The following FANCC variants were observed in gnomAD, a reference collection of about 807,000 sequenced individuals.
FANCC encodes the protein Fanconi anemia group C protein.
FANCC carries 55 observed loss-of-function variants against 71.3 expected under a neutral mutation model. The observed-to-expected ratio is 0.77, with a 90% CI of 0.62 to 0.97. The LOEUF (loss-of-function observed/expected upper bound fraction) is 0.97. FANCC is among the 50% of genes least tolerant of loss of function. FANCC has a pLI of 0.00. For missense variants in FANCC, 678 were observed against 670.9 expected, an observed-to-expected ratio of 1.01 and a Z score of -0.12; for synonymous variants, 275 against 244.9, an observed-to-expected ratio of 1.12 and a Z score of -1.15.
At chr9:95,174,631 GAA>G (rs1825899917) in intron 4 of FANCC, among the ~76,000 whole-genome samples, 1 of 151,524 alleles carries the variant, frequency 6.6e-6, no homozygotes, top group African/African-American at 2.4e-5. Context: ...AATATTTTTT[GAA>G]AAAGTTTTAT....
At chr9:95,194,676 T>C (rs940225040) in intron 4 of FANCC, among the ~76,000 whole-genome samples, 1 of 152,078 alleles carries the variant, frequency 6.6e-6, no homozygotes, top group African/African-American at 2.4e-5. Flanking sequence ...TTTCGTGAAA[T>C]AGTGTTTGCC....
chr9:95,167,932 T>C (rs1235704601), intron 6 of FANCC, among the ~76,000 whole-genome samples: 2 of 152,230 alleles, frequency 1.3e-5, no homozygotes, highest in Admixed American at 1.3e-4. Flanking sequence ...AAACATCTAC[T>C]TCTCTCAGTC....
chr9:95,169,318 CA>C (rs1214964656), intron 6 of FANCC, among the ~76,000 whole-genome samples: 13 of 152,172 alleles, frequency 8.5e-5, no homozygotes, highest in African/African-American at 3.1e-4. Flanking sequence ...ATGGAAAAGA[CA>C]TTAAAGTTGT....
intron 1 of FANCC, among the ~76,000 whole-genome samples, chr9:95,298,804 A>C (rs187854408): frequency 1.0e-3 from 153 of 152,348 alleles, no homozygotes; most frequent in African/African-American, 3.5e-3. Context: ...AGTTTTATTT[A>C]GTAGATTTGA....
chr9:95,208,483 G>C (rs551015205), intron 4 of FANCC, among the ~76,000 whole-genome samples: 1 of 152,176 alleles, frequency 6.6e-6, no homozygotes, highest in East Asian at 1.9e-4. Flanking sequence ...TAAAAGAAAA[G>C]CCACAGAGTA....
At chr9:95,133,611 A>G (rs1383307571) in intron 8 of FANCC, among the ~76,000 whole-genome samples, 1 of 152,196 alleles carries the variant, frequency 6.6e-6, no homozygotes, top group Non-Finnish European at 1.5e-5. Flanking sequence ...GGACATGGAG[A>G]AGGTTCAGGG....
At chr9:95,143,898 G>A (rs190634773) in intron 7 of FANCC, among the ~76,000 whole-genome samples, 283 of 152,312 alleles carry the variant, frequency 1.9e-3, no homozygotes, top group Non-Finnish European at 3.5e-3. Context: ...GTTCCTCTAG[G>A]TTATCTAAAC....
intron 1 of FANCC, among the ~76,000 whole-genome samples, chr9:95,312,848 C>T (rs943529391): frequency 6.6e-6 from 1 of 152,186 alleles, no homozygotes; most frequent in African/African-American, 2.4e-5. Context: ...GGAGCACAGC[C>T]ATGGCTCACT....
chr9:95,147,842 G>C (rs915503471), intron 7 of FANCC, among the ~76,000 whole-genome samples: 6 of 152,260 alleles, frequency 3.9e-5, no homozygotes, highest in Admixed American at 6.5e-5. Context: ...CCTTACAATA[G>C]AATCTCTGGA....
At chr9:95,127,774 G>A (rs1826233439) in intron 8 of FANCC, among the ~76,000 whole-genome samples, 1 of 152,224 alleles carries the variant, frequency 6.6e-6, no homozygotes, top group Non-Finnish European at 1.5e-5. Flanking sequence ...AGGCAGGACC[G>A]CGCCTCCTCG....
chr9:95,187,418 G>A (rs1013697732), intron 4 of FANCC, among the ~76,000 whole-genome samples: 16 of 152,268 alleles, frequency 1.1e-4, no homozygotes, highest in East Asian at 1.9e-4. Context: ...CTCACCTGAC[G>A]ATATCATTTC....
At chr9:95,139,340 C>A (rs1828217285) in intron 7 of FANCC, among the ~76,000 whole-genome samples, 1 of 152,212 alleles carries the variant, frequency 6.6e-6, no homozygotes, top group South Asian at 2.1e-4. Flanking sequence ...CAGGCAGGCA[C>A]TGGCTTCACA....
At chr9:95,295,198 C>T (rs1176640687) in intron 1 of FANCC, among the ~76,000 whole-genome samples, 4 of 151,878 alleles carry the variant, frequency 2.6e-5, no homozygotes, top group Non-Finnish European at 2.9e-5. Flanking sequence ...ACTAAAAATC[C>T]ATCAAACTAA....
intron 4 of FANCC, among the ~76,000 whole-genome samples, chr9:95,180,192 T>C (rs1352096796): frequency 2.6e-5 from 4 of 152,046 alleles, no homozygotes. Context: ...TATCACTGTC[T>C]TCTACCTCCA....
intron 4 of FANCC, among the ~76,000 whole-genome samples, chr9:95,229,647 T>C (rs1829863313): frequency 1.3e-5 from 2 of 152,126 alleles, no homozygotes; most frequent in South Asian, 2.1e-4. Context: ...CATGTTTAGT[T>C]TGAGATACTC....
At chr9:95,316,488 A>G (rs1835747905) in intron 1 of FANCC, among the ~76,000 whole-genome samples, 1 of 152,226 alleles carries the variant, frequency 6.6e-6, no homozygotes, top group Non-Finnish European at 1.5e-5. Flanking sequence ...GACAGCCACA[A>G]AGAGCTGAAG....
chr9:95,212,766 G>T (rs958726656), intron 4 of FANCC, among the ~76,000 whole-genome samples: 3 of 152,180 alleles, frequency 2.0e-5, no homozygotes, highest in African/African-American at 7.2e-5. Context: ...TATACTGTGG[G>T]TTTATAAAAT....
chr9:95,146,487 C>CAAAAAAA lies in FANCC; in HGVS notation c.686+3429_686+3435dup, dbSNP rs61093923. ...TATGTGACAGAGTGAGACCCCATCT[C>CAAAAAAA]AAAAAAAAAAAAAAAAAAAAAAAAA... On this transcript the variant is annotated intron_variant, in intron 7 of 14. Coordinates refer to ENST00000289081, the MANE Select transcript of FANCC (RefSeq NM_000136.3). Among the ~76,000 whole-genome samples the CAAAAAAA allele has an allele frequency of 6.6e-4, 30 of 45,520 alleles. 1 individual carries two copies. The highest frequency in any genetic ancestry group is 8.0e-4 in the African/African-American group (8 of 9,970). 29.9% of individuals were successfully genotyped at this position (45,520 alleles called of 152,430 possible).
chr9:95,195,947 T>TTG (rs559927237), intron 4 of FANCC, among the ~76,000 whole-genome samples: 140 of 152,358 alleles, frequency 9.2e-4, no homozygotes, highest in Middle Eastern at 3.4e-3. Flanking sequence ...CTGTTGTGTG[T>TTG]TGATCTTGTA....
Sources: allele counts gnomAD v4.1 joint callset (sites outside exome capture counted in the v4.1 genomes callset), GRCh38; gene constraint gnomAD v4.1.1; transcripts MANE v1.5; gene names NCBI Gene and HGNC (gene_info 2026-07-23, HGNC 2026-07-21).